Variants in STXBP4 observed in about 807,000 individuals in gnomAD.
The protein encoded by STXBP4 is syntaxin binding protein 4.
A neutral mutation model predicts 76.1 loss-of-function variants in STXBP4; 55 were observed. The ratio of observed to expected loss-of-function variants is 0.72; its 90% CI spans 0.58 to 0.91. STXBP4 has a LOEUF of 0.91. Ranked by LOEUF, STXBP4 falls within the 40% of genes least tolerant of loss-of-function variation. The pLI is 0.00. For missense variants in STXBP4, 618 were observed against 636.9 expected (o/e 0.97, Z 0.32); for synonymous variants, 201 against 220.2 (o/e 0.91, Z 0.77).
At chr17:55,031,620 G>T (rs1004673490) in intron 9 of STXBP4, among the ~76,000 whole-genome samples, 7 of 151,962 alleles carry the variant, frequency 4.6e-5, no homozygotes, top group Non-Finnish European at 8.8e-5. Flanking sequence ...TCCTTTTTCA[G>T]CTAATATAAT....
At chr17:55,038,537 T>C (rs983083761) in intron 10 of STXBP4, among the ~76,000 whole-genome samples, 1 of 152,104 alleles carries the variant, frequency 6.6e-6, no homozygotes, top group Non-Finnish European at 1.5e-5. Flanking sequence ...TTGACAACTT[T>C]TGGGTTTGGA....
At chr17:54,996,030 T>G (rs544475549) in intron 4 of STXBP4, among the ~76,000 whole-genome samples, 11 of 151,852 alleles carry the variant, frequency 7.2e-5, no homozygotes, top group Non-Finnish European at 1.3e-4. Context: ...TAGTATATTC[T>G]AATGTGAGGG....
In STXBP4 at chr17:54,986,134, A is replaced by G. The variant is rs1194895304; in HGVS notation, c.-78-8A>G. The G allele has an allele frequency of 2.6e-6, 3 of 1,159,226 alleles. No individual in the cohort carries two copies. The African/African-American group carries it at 4.7e-5, about 18-fold the overall frequency. 71.8% of individuals were successfully genotyped at this position (1,159,226 alleles called of 1,614,324 possible). A position where few individuals can be genotyped will look rare whatever the true frequency, so the allele number is the denominator to read the frequency against. On this transcript the variant is annotated splice_region_variant and splice_polypyrimidine_tract_variant and intron_variant, in intron 2 of 17. Coordinates refer to ENST00000376352, the MANE Select transcript of STXBP4 (RefSeq NM_178509.6). Reference sequence around the variant, plus strand: ...CTGACAATTTATTTTCTACTTCTTCAATCCTAGGAAAAGAAGAATTTCTAG... The same window carrying G: ...CTGACAATTTATTTTCTACTTCTTCGATCCTAGGAAAAGAAGAATTTCTAG...
chr17:55,045,713 AGTTGGT>A (rs2078776497), intron 11 of STXBP4, among the ~76,000 whole-genome samples: 1 of 152,080 alleles, frequency 6.6e-6, no homozygotes, highest in Non-Finnish European at 1.5e-5. Context: ...CAGCTAGCTC[AGTTGGT>A]TAGAATATGG....
At chr17:55,208,635 G>A in the STXBP4 span, among the ~76,000 whole-genome samples, 6 of 87,408 alleles carry the variant, frequency 6.9e-5, no homozygotes, top group African/African-American at 2.2e-4. Context: ...GGAAAGGAGA[G>A]GAGTAAGAAT....
At chr17:55,208,564 AGGGAG>A in the STXBP4 span, among the ~76,000 whole-genome samples, 1 of 144,908 alleles carries the variant, frequency 6.9e-6, no homozygotes, top group Non-Finnish European at 1.5e-5. Flanking sequence ...CAAGGAAGGA[AGGGAG>A]GGAGGGAAGA....
the STXBP4 span, among the ~76,000 whole-genome samples, chr17:55,196,872 A>G: frequency 1.3e-5 from 2 of 152,238 alleles, no homozygotes; most frequent in African/African-American, 4.8e-5. Flanking sequence ...CTGCAGAATG[A>G]CATATAAATA....
At chr17:55,134,295 G>A (rs1464912732) in intron 16 of STXBP4, among the ~76,000 whole-genome samples, 2 of 152,018 alleles carry the variant, frequency 1.3e-5, no homozygotes, top group South Asian at 4.2e-4. Context: ...GTACTGAAAG[G>A]CTTTTTTTTT....
At chr17:55,076,367 C>T (rs1435471223) in intron 13 of STXBP4, among the ~76,000 whole-genome samples, 1 of 152,124 alleles carries the variant, frequency 6.6e-6, no homozygotes, top group Non-Finnish European at 1.5e-5. Context: ...TTTAGAAATT[C>T]ATGTAGTGAG....
Position 55,031,233 on chromosome 17 carries a change from A to G in STXBP4, c.732A>G (p.Gln244=), listed in dbSNP as rs760286981. The part of the protein sequence containing the change: ...EQHQALRQQV[Q]ADSKGTVSFG... ...ACCAAGCCCTGAGACAGCAAGTACA[A>G]GCAGACTCAAAAGGGACAGTGTCTT... is the stretch of plus-strand genomic sequence containing the variant. Residue 244 remains glutamine, a synonymous_variant, in exon 9 of 18, where the codon CAA becomes CAG. Transcript: ENST00000376352. 4 of 1,613,276 alleles carry G rather than the reference A, an allele frequency of 2.5e-6. No homozygotes were observed. In the East Asian group the frequency reaches 6.7e-5, roughly 27 times the overall value.
intron 12 of STXBP4, among the ~76,000 whole-genome samples, chr17:55,068,550 A>G (rs575687307): frequency 6.4e-4 from 98 of 152,044 alleles, no homozygotes; most frequent in African/African-American, 2.1e-3. Flanking sequence ...TTTCCAAACA[A>G]CTCTCCAAAG....
rs34336794 is a variant in STXBP4 at position 55,047,185 on chromosome 17, C to CGTGTGTGT, written c.1011+57_1011+64dup. The CGTGTGTGT allele has an allele frequency of 1.5e-3, 1,247 of 807,974 alleles. 4 individuals are homozygous for CGTGTGTGT. The highest frequency in any genetic ancestry group is 0.015 in the African/African-American group (794 of 52,656). The allele number at this position is 807,974 out of a possible 1,614,324, so 50.1% of individuals were successfully genotyped here. ...TATATGTATTGTGTATATATGTGCT[C>CGTGTGTGT]GTGTGTGTGTGTGTGTGTGTGTGTG... On this transcript the variant is annotated intron_variant, in intron 12 of 17. Coordinates refer to ENST00000376352, the MANE Select transcript of STXBP4 (RefSeq NM_178509.6).
chr17:55,043,852 T>C, intron 11 of STXBP4: 1 of 562,358 alleles, frequency 1.8e-6, no homozygotes, highest in Non-Finnish European at 3.0e-6. Context: ...ATTCTTGTTT[T>C]TGTTTTGTGT....
At chr17:55,122,829 G>A (rs527922417) in intron 16 of STXBP4, among the ~76,000 whole-genome samples, 31 of 152,252 alleles carry the variant, frequency 2.0e-4, no homozygotes, top group Admixed American at 1.9e-3. Flanking sequence ...ACTTTTAAGT[G>A]CTTTTGAAGC....
chr17:55,060,816 G>A (rs1285741568), intron 12 of STXBP4, among the ~76,000 whole-genome samples: 2 of 152,072 alleles, frequency 1.3e-5, no homozygotes, highest in Non-Finnish European at 2.9e-5. Flanking sequence ...CACTCTTAGC[G>A]ACTTCCTTTG....
intron 16 of STXBP4, among the ~76,000 whole-genome samples, chr17:55,110,189 C>T (rs2079695537): frequency 6.6e-6 from 1 of 151,968 alleles, no homozygotes; most frequent in South Asian, 2.1e-4. Flanking sequence ...CACTCTGACA[C>T]TGACTCTTCT....
At chr17:55,118,409 A>G (rs1261907243) in intron 16 of STXBP4, among the ~76,000 whole-genome samples, 1 of 152,008 alleles carries the variant, frequency 6.6e-6, no homozygotes, top group Non-Finnish European at 1.5e-5. Flanking sequence ...AGATTTACTT[A>G]TTATAACGAG....
At chr17:55,191,865 CA>C in the STXBP4 span, among the ~76,000 whole-genome samples, 1 of 152,168 alleles carries the variant, frequency 6.6e-6, no homozygotes, top group African/African-American at 2.4e-5. Flanking sequence ...AGGCACCAGT[CA>C]AAAATCCCAG....
chr17:55,132,984 A>G (rs1281442871), intron 16 of STXBP4, among the ~76,000 whole-genome samples: 20 of 152,172 alleles, frequency 1.3e-4, no homozygotes, highest in Admixed American at 1.3e-3. Flanking sequence ...CATTGAACAT[A>G]AATAATTAAG....
Sources: gnomAD v4.1 joint callset for allele counts (sites outside exome capture counted in the v4.1 genomes callset) on GRCh38, gnomAD v4.1.1 for gene constraint, MANE v1.5 for transcripts, NCBI Gene and HGNC (gene_info 2026-07-23, HGNC 2026-07-21) for gene names.